CDH12: variants seen among roughly 807,000 people sequenced by gnomAD.
The protein encoded by CDH12 is cadherin 12.
Under a neutral mutation model 74.1 loss-of-function variants are expected in CDH12, and 41 were observed. The ratio of observed to expected loss-of-function variants is 0.55; its 90% CI spans 0.43 to 0.72. The LOEUF (loss-of-function observed/expected upper bound fraction) is 0.72, where lower values mean the gene tolerates loss of function less well. CDH12 is among the 30% of genes least tolerant of loss of function. The pLI is 0.00. For synonymous variants in CDH12, 399 were observed against 355.0 expected (o/e 1.12, Z -1.39); for missense variants, 945 against 977.2 (o/e 0.97, Z 0.44).
At chr5:22,791,225 C>T (rs1417771743) in intron 1 of CDH12, among the ~76,000 whole-genome samples, 1 of 152,082 alleles carries the variant, frequency 6.6e-6, no homozygotes, top group Admixed American at 6.5e-5. Context: ...TCTTCTTGCC[C>T]ACTAGTCTTC....
At chr5:22,504,961 A>G in intron 2 of CDH12, among the ~76,000 whole-genome samples, 1 of 151,998 alleles carries the variant, frequency 6.6e-6, no homozygotes, top group East Asian at 1.9e-4. Context: ...TAGGAGGAAC[A>G]TAGTCATTAG....
At chr5:22,565,200 C>T (rs918831) in intron 1 of CDH12, among the ~76,000 whole-genome samples, 22,616 of 152,116 alleles carry the variant, frequency 0.15, 2,297 homozygotes, top group East Asian at 0.36. Flanking sequence ...TCCCAAAGTG[C>T]TGGGATTATA....
rs373370963 is a variant in CDH12, at chr5:22,125,639, C to T, written c.-186-46777G>A. The stretch of plus-strand genomic sequence containing the variant: ...CTTAGACTGCACTTCTACCACCAAC[C>T]TCTGCAAGTAAATACTCCATAGGAC... On this transcript the variant is annotated intron_variant, in intron 4 of 14. Transcript: ENST00000382254. Among the ~76,000 whole-genome samples, 94 of 152,260 alleles carry T rather than the reference C, an allele frequency of 6.2e-4. 2 individuals are homozygous for T. The South Asian group carries it at 0.019, about 31-fold the overall frequency.
chr5:22,581,449 G>A (rs971627075), intron 1 of CDH12, among the ~76,000 whole-genome samples: 1 of 152,196 alleles, frequency 6.6e-6, no homozygotes, highest in African/African-American at 2.4e-5. Flanking sequence ...TTGCTGCAGA[G>A]GTTTCCATAC....
chr5:22,186,163 G>C (rs539855787), intron 4 of CDH12, among the ~76,000 whole-genome samples: 1 of 152,100 alleles, frequency 6.6e-6, no homozygotes, highest in Non-Finnish European at 1.5e-5. Context: ...TTGTATGTGC[G>C]GCATAAGATT....
At chr5:22,480,899 A>T (rs1435324011) in intron 2 of CDH12, among the ~76,000 whole-genome samples, 1 of 152,242 alleles carries the variant, frequency 6.6e-6, no homozygotes, top group East Asian at 1.9e-4. Context: ...GAAATGCAGT[A>T]TCATTTAAAA....
chr5:22,404,596 A>G (rs1742861009), intron 3 of CDH12, among the ~76,000 whole-genome samples: 1 of 152,196 alleles, frequency 6.6e-6, no homozygotes. Context: ...ATGGCTTTCT[A>G]ACCAGTAAAA....
At chr5:22,737,961 AG>A (rs1744825614) in intron 1 of CDH12, among the ~76,000 whole-genome samples, 1 of 152,024 alleles carries the variant, frequency 6.6e-6, no homozygotes, top group Admixed American at 6.6e-5. Context: ...GAGTGGGGTA[AG>A]GGGTGTAAAT....
At position 22,471,230 on chromosome 5, in the gene CDH12, T is replaced by C. The variant is rs1053052496; in HGVS notation, c.-428+34040A>G. 4.6e-5 allele frequency among the ~76,000 whole-genome samples: 7 copies of C among 152,198 alleles called. No individual in the cohort carries two copies. In the East Asian group the frequency reaches 1.4e-3, roughly 29 times the overall value. On this transcript the variant is annotated intron_variant, in intron 2 of 14. Transcript: ENST00000382254. ...AAGGTATGAATGTTCTCCTAACACG[T>C]GGGTGTTCTGCCAACAACCAATCGA...
chr5:21,989,898 A>G (rs1316235652), intron 5 of CDH12, among the ~76,000 whole-genome samples: 1 of 152,120 alleles, frequency 6.6e-6, no homozygotes, highest in Non-Finnish European at 1.5e-5. Flanking sequence ...CCTTAAATGG[A>G]TGTTAACTTA....
intron 4 of CDH12, among the ~76,000 whole-genome samples, chr5:22,184,840 C>T (rs1487207345): frequency 6.6e-6 from 1 of 152,156 alleles, no homozygotes; most frequent in East Asian, 1.9e-4. Flanking sequence ...TAGTATACAG[C>T]ACTAAAGTCA....
chr5:22,435,193 C>T (rs1449375697), intron 2 of CDH12, among the ~76,000 whole-genome samples: 1 of 151,994 alleles, frequency 6.6e-6, no homozygotes, highest in African/African-American at 2.4e-5. Flanking sequence ...ATAAAGAGGG[C>T]AGAAAAATGT....
At chr5:22,365,765 G>A (rs570336208) in intron 3 of CDH12, among the ~76,000 whole-genome samples, 1 of 152,234 alleles carries the variant, frequency 6.6e-6, no homozygotes, top group South Asian at 2.1e-4. Context: ...TTCAACATCA[G>A]TATCATGCCA....
At chr5:21,960,017 AC>A (rs1756285420) in intron 6 of CDH12, among the ~76,000 whole-genome samples, 1 of 151,738 alleles carries the variant, frequency 6.6e-6, no homozygotes. Flanking sequence ...ATATATATGC[AC>A]CCAACACAGG....
chr5:22,818,984 T>A (rs995412983), intron 1 of CDH12, among the ~76,000 whole-genome samples: 9 of 152,164 alleles, frequency 5.9e-5, no homozygotes, highest in Non-Finnish European at 1.0e-4. Context: ...TAATTGTTTA[T>A]CATCTATTTT....
Position 22,128,414 on chromosome 5 carries a change from T to C in CDH12, c.-186-49552A>G, listed in dbSNP as rs541711754. ...TCCTAAGAGAAAAAGTCCAGCTAGT[T>C]TTTTTTTTCTTTTTTGTTACCTGCT... On this transcript the variant is annotated intron_variant, in intron 4 of 14. Transcript: ENST00000382254. 1.8e-3 allele frequency among the ~76,000 whole-genome samples: 276 copies of C among 150,740 alleles called. 5 individuals are homozygous for C. The highest frequency in any genetic ancestry group is 4.0e-3 in the Admixed American group (60 of 15,150).
intron 11 of CDH12, among the ~76,000 whole-genome samples, chr5:21,766,587 A>G (rs1379791523): frequency 6.6e-6 from 1 of 151,884 alleles, no homozygotes; most frequent in Non-Finnish European, 1.5e-5. Context: ...GTGTTTGATA[A>G]ATTTTGGTAA....
At chr5:22,572,309 T>C (rs1739580497) in intron 1 of CDH12, among the ~76,000 whole-genome samples, 1 of 152,338 alleles carries the variant, frequency 6.6e-6, no homozygotes, top group East Asian at 1.9e-4. Flanking sequence ...TTTTTAGTAT[T>C]GACTACTGGT....
Position 22,370,763 on chromosome 5 carries a change from A to G in CDH12, c.-333+34494T>C, listed in dbSNP as rs1444128. On this transcript the variant is annotated intron_variant, in intron 3 of 14. Coordinates refer to ENST00000382254, the MANE Select transcript of CDH12 (RefSeq NM_004061.5). Reference sequence around the variant, plus strand: ...AACCGATTAAAAACATAAAATAACCATAAACCAGTAGGTCATACGTATGGG... The same window carrying G: ...AACCGATTAAAAACATAAAATAACCGTAAACCAGTAGGTCATACGTATGGG... 9.2e-3 allele frequency among the ~76,000 whole-genome samples: 1,404 copies of G among 152,238 alleles called. 24 individuals carry two copies. Among genetic ancestry groups the G allele is most frequent in the African/African-American group, 0.033 (1,356 of 41,556 alleles).
Sources: allele counts gnomAD v4.1 joint callset (sites outside exome capture counted in the v4.1 genomes callset), GRCh38; gene constraint gnomAD v4.1.1; transcripts MANE v1.5; gene names NCBI Gene and HGNC (gene_info 2026-07-23, HGNC 2026-07-21).